Variants in LINGO2 observed in about 807,000 individuals in gnomAD.
The protein encoded by LINGO2 is leucine-rich repeat and immunoglobulin-like domain-containing nogo receptor-interacting protein 2.
In LINGO2, 14 loss-of-function variants were observed where a neutral mutation model predicts 30.6. The observed-to-expected ratio is 0.46, with a 90% CI of 0.30 to 0.72. The LOEUF (loss-of-function observed/expected upper bound fraction) is 0.72, where lower values mean the gene tolerates loss of function less well. Among genes scored for constraint, LINGO2 ranks in the 30% least tolerant of loss-of-function variants. The probability of loss-of-function intolerance (pLI) is 0.07; values close to 1 mark genes in which losing one functional copy is unlikely to be tolerated. For synonymous variants in LINGO2, 317 were observed against 288.5 expected, an observed-to-expected ratio of 1.10 and a Z score of -1.00; for missense variants, 729 against 751.7, an observed-to-expected ratio of 0.97 and a Z score of 0.35.
chr9:28,792,141 A>G, the LINGO2 span, among the ~76,000 whole-genome samples: 1 of 151,904 alleles, frequency 6.6e-6, no homozygotes, highest in Non-Finnish European at 1.5e-5. Context: ...TATTCAATAA[A>G]TACATTTTCT....
At chr9:27,942,524 T>C in the LINGO2 span, 3 of 152,190 alleles carry the variant, frequency 2.0e-5, no homozygotes, top group African/African-American at 7.2e-5. Context: ...CCACAACAAT[T>C]AACCAATAGC....
chr9:28,241,813 T>A (rs2133975979), intron 4 of LINGO2, among the ~76,000 whole-genome samples: 1 of 151,978 alleles, frequency 6.6e-6, no homozygotes, highest in Non-Finnish European at 1.5e-5. Flanking sequence ...CTGAATAACA[T>A]CTCCAGGCAT....
At chr9:28,993,752 C>T in the LINGO2 span, among the ~76,000 whole-genome samples, 1 of 141,510 alleles carries the variant, frequency 7.1e-6, no homozygotes, top group East Asian at 2.4e-4. Flanking sequence ...ATAAACAGAA[C>T]CAAAGACAAA....
intron 3 of LINGO2, among the ~76,000 whole-genome samples, chr9:28,333,452 A>T (rs1825489879): frequency 1.3e-5 from 2 of 152,198 alleles, no homozygotes; most frequent in African/African-American, 4.8e-5. Context: ...ATACAAAGAT[A>T]TTTAGGACAA....
At chr9:28,990,043 A>C in the LINGO2 span, among the ~76,000 whole-genome samples, 5 of 152,226 alleles carry the variant, frequency 3.3e-5, no homozygotes, top group Non-Finnish European at 7.3e-5. Flanking sequence ...CAGTGGGCGC[A>C]GGACAGTGGT....
intron 4 of LINGO2, among the ~76,000 whole-genome samples, chr9:28,191,677 G>A (rs1014048092): frequency 2.0e-5 from 3 of 152,054 alleles, no homozygotes; most frequent in Non-Finnish European, 2.9e-5. Flanking sequence ...AAGTGTAAAT[G>A]TCATCAGTAA....
At chr9:28,640,205 G>T (rs62548216) in intron 1 of LINGO2, among the ~76,000 whole-genome samples, 9,259 of 152,112 alleles carry the variant, frequency 0.061, 483 homozygotes, top group Admixed American at 0.18. Flanking sequence ...TAGTCTGATG[G>T]ACTTTCCTTT....
intron 5 of LINGO2, among the ~76,000 whole-genome samples, chr9:27,985,386 C>T (rs1393599693): frequency 1.3e-5 from 2 of 151,868 alleles, no homozygotes; most frequent in Non-Finnish European, 2.9e-5. Flanking sequence ...GTTAGGATAT[C>T]CCCGATTTTC....
the LINGO2 span, among the ~76,000 whole-genome samples, chr9:28,970,044 A>G: frequency 6.6e-6 from 1 of 152,150 alleles, no homozygotes; most frequent in South Asian, 2.1e-4. Context: ...TGTGTTCACA[A>G]AGGAAGACAG....
chr9:28,044,611 A>C (rs575329632), intron 4 of LINGO2, among the ~76,000 whole-genome samples: 15 of 152,244 alleles, frequency 9.9e-5, no homozygotes, highest in African/African-American at 3.6e-4. Flanking sequence ...TGACAGAAAA[A>C]ACACAGGATA....
chr9:28,264,118 TA>T (rs1272199093), intron 4 of LINGO2, among the ~76,000 whole-genome samples: 1 of 151,968 alleles, frequency 6.6e-6, no homozygotes, highest in African/African-American at 2.4e-5. Flanking sequence ...TAATAAAATA[TA>T]AAGCTAAAAT....
In LINGO2 at chr9:28,151,612, T is replaced by A. The variant is rs558324736; in HGVS notation, c.-86-139207A>T. ...TAATTAGAAAATAGTATTATGACTATTTAAATAAAGAAGGAAATATTGTAA... is the reference window on the plus strand; with the variant it reads ...TAATTAGAAAATAGTATTATGACTAATTAAATAAAGAAGGAAATATTGTAA... On this transcript the variant is annotated intron_variant, in intron 4 of 5. Transcript: ENST00000379992. Among the ~76,000 whole-genome samples, 127 of 151,948 alleles carry A rather than the reference T, an allele frequency of 8.4e-4. 1 individual carries two copies. The highest frequency in any genetic ancestry group is 3.0e-3 in the African/African-American group (123 of 41,552).
the LINGO2 span, among the ~76,000 whole-genome samples, chr9:29,119,451 A>G: frequency 6.6e-6 from 1 of 152,156 alleles, no homozygotes; most frequent in African/African-American, 2.4e-5. Flanking sequence ...TGGATTGAGT[A>G]GAAACTAAAG....
At chr9:28,675,664 A>T in the LINGO2 span, among the ~76,000 whole-genome samples, 4 of 151,800 alleles carry the variant, frequency 2.6e-5, no homozygotes, top group African/African-American at 9.7e-5. Flanking sequence ...TGAGGTCAGG[A>T]GTTTGAGACC....
At chr9:28,291,423 C>T (rs1823723974) in intron 4 of LINGO2, among the ~76,000 whole-genome samples, 1 of 152,150 alleles carries the variant, frequency 6.6e-6, no homozygotes, top group Non-Finnish European at 1.5e-5. Flanking sequence ...TGTCTATGAA[C>T]AGATATTATG....
chr9:29,118,840 G>T, the LINGO2 span, among the ~76,000 whole-genome samples: 5 of 152,126 alleles, frequency 3.3e-5, no homozygotes, highest in African/African-American at 1.2e-4. Context: ...TCCAGACTCT[G>T]AATCAGTCCT....
At position 27,957,572 on chromosome 9, in the gene LINGO2, C is replaced by T. The variant is rs184530145; in HGVS notation, c.-35-6866G>A. Among the ~76,000 whole-genome samples the T allele has an allele frequency of 9.1e-4, 138 of 152,280 alleles. 1 individual carries two copies. Among genetic ancestry groups the T allele is most frequent in the African/African-American group, 3.1e-3 (127 of 41,568 alleles). Reference sequence around the variant, plus strand: ...CTCCCCAAAGTGCTGGGATTACAGGCGTGAGCCACCGCACCCGGCCACTGT... The same window carrying T: ...CTCCCCAAAGTGCTGGGATTACAGGTGTGAGCCACCGCACCCGGCCACTGT... On this transcript the variant is annotated intron_variant, in intron 5 of 5. Transcript: ENST00000379992.
At chr9:28,377,351 C>T (rs1198858111) in intron 2 of LINGO2, among the ~76,000 whole-genome samples, 1 of 152,052 alleles carries the variant, frequency 6.6e-6, no homozygotes, top group East Asian at 1.9e-4. Context: ...TTTTCTATCC[C>T]TTATGATTTA....
chr9:29,067,634 T>C, the LINGO2 span, among the ~76,000 whole-genome samples: 723 of 151,300 alleles, frequency 4.8e-3, 5 homozygotes, highest in African/African-American at 0.017. Flanking sequence ...ATGTTGGAAA[T>C]ACTTATTTAA....
Sources: gnomAD v4.1 joint callset for allele counts (sites outside exome capture counted in the v4.1 genomes callset) on GRCh38, gnomAD v4.1.1 for gene constraint, MANE v1.5 for transcripts, NCBI Gene and HGNC (gene_info 2026-07-23, HGNC 2026-07-21) for gene names.